The following PRMT8 variants were observed in gnomAD, a reference collection of about 807,000 sequenced individuals.
PRMT8 encodes protein arginine N-methyltransferase 8.
In PRMT8, 7 loss-of-function variants were observed where a neutral mutation model predicts 47.1. The ratio of observed to expected loss-of-function variants is 0.15; its 90% CI spans 0.08 to 0.28. The LOEUF (loss-of-function observed/expected upper bound fraction) is 0.28. PRMT8 is among the 10% of genes least tolerant of loss of function. The pLI is 1.00. For missense variants in PRMT8, 237 were observed against 505.4 expected (o/e 0.47, Z 5.09); for synonymous variants, 188 against 186.5 (o/e 1.01, Z -0.07).
At chr12:3,417,216 T>C (rs1164412168) in intron 1 of PRMT8, among the ~76,000 whole-genome samples, 1 of 152,180 alleles carries the variant, frequency 6.6e-6, no homozygotes, top group Admixed American at 6.5e-5. Context: ...AGAGGTTTAT[T>C]TGGGGGAAAG....
chr12:3,437,646 A>ATC (rs1025592609), intron 1 of PRMT8, among the ~76,000 whole-genome samples: 5 of 103,774 alleles, frequency 4.8e-5, no homozygotes, highest in Non-Finnish European at 6.4e-5. Context: ...ATATATATAT[A>ATC]TATATTGCAT....
chr12:3,424,797 G>T (rs190690595), intron 1 of PRMT8, among the ~76,000 whole-genome samples: 2 of 152,240 alleles, frequency 1.3e-5, no homozygotes, highest in East Asian at 3.9e-4. Context: ...CTTTTGTCCT[G>T]CCTCAGTGAC....
intron 1 of PRMT8, among the ~76,000 whole-genome samples, chr12:3,530,890 A>G (rs1481944963): frequency 6.6e-6 from 1 of 152,224 alleles, no homozygotes; most frequent in Non-Finnish European, 1.5e-5. Context: ...ATAGCCCCAC[A>G]AAAGAGGCGG....
At position 3,397,148 on chromosome 12, in the gene PRMT8, T is replaced by A. The variant is rs529496782; in HGVS notation, c.48+15706T>A. Among the ~76,000 whole-genome samples, 107 of 151,914 alleles carry A rather than the reference T, an allele frequency of 7.0e-4. 6 individuals are homozygous for A. In the South Asian group the frequency reaches 0.019, roughly 27 times the overall value. ...TTTCAAAGTTTTCAACTTCTTTGCCTTTGGTTTGAATGTCCTCCCATAGCT... is the reference window on the plus strand; with the variant it reads ...TTTCAAAGTTTTCAACTTCTTTGCCATTGGTTTGAATGTCCTCCCATAGCT... On this transcript the variant is annotated intron_variant, in intron 1 of 9. Transcript: ENST00000452611.
At chr12:3,406,251 G>A (rs12829323) in intron 1 of PRMT8, among the ~76,000 whole-genome samples, 1 of 152,218 alleles carries the variant, frequency 6.6e-6, no homozygotes, top group Non-Finnish European at 1.5e-5. Flanking sequence ...ACAGCAGGGG[G>A]CCCTGAACTT....
intron 1 of PRMT8, among the ~76,000 whole-genome samples, chr12:3,466,272 G>A (rs1429492266): frequency 1.3e-5 from 2 of 152,198 alleles, no homozygotes; most frequent in Non-Finnish European, 1.5e-5. Flanking sequence ...TCGTGGGACT[G>A]AGTGAGACCT....
In PRMT8 at chr12:3,576,741, C is replaced by T. The variant is rs552768152; in HGVS notation, c.713-130C>T. 24 of 704,912 alleles carry T rather than the reference C, an allele frequency of 3.4e-5. No individual in the cohort carries two copies. In the East Asian group the frequency reaches 5.5e-4, roughly 16 times the overall value. The allele number at this position is 704,912 out of a possible 1,614,324, so 43.7% of individuals were successfully genotyped here. ...AGTGCCCCCAGGTGAGCAGTTCTGC[C>T]TCTATTTCGATGCAAGGGAACTCGA... On this transcript the variant is annotated intron_variant, in intron 6 of 9. Transcript: ENST00000382622. This position sits in a 1 kb window ranked among gnomAD's most constrained non-coding sequence, Gnocchi z 4.0.
At chr12:3,582,752 CCTGTT>C (rs1867091520) in intron 7 of PRMT8, among the ~76,000 whole-genome samples, 1 of 152,168 alleles carries the variant, frequency 6.6e-6, no homozygotes, top group African/African-American at 2.4e-5. Context: ...AATTAACCCT[CCTGTT>C]CTCTCCCTTC....
intron 1 of PRMT8, among the ~76,000 whole-genome samples, chr12:3,461,664 AGT>A (rs1253470947): frequency 4.6e-4 from 69 of 150,608 alleles, no homozygotes; most frequent in African/African-American, 1.6e-3. Context: ...CAGAGCAGGA[AGT>A]CCTCTCAAGA....
intron 1 of PRMT8, among the ~76,000 whole-genome samples, chr12:3,391,696 C>G (rs535012838): frequency 6.6e-5 from 10 of 152,280 alleles, no homozygotes; most frequent in Non-Finnish European, 1.5e-4. Context: ...ATATCTGTCT[C>G]CCCCTCTAGT....
chr12:3,560,030 GAGGGACCTCCAGGTCC>G (rs1424124737), intron 4 of PRMT8, among the ~76,000 whole-genome samples: 2 of 152,172 alleles, frequency 1.3e-5, no homozygotes, highest in African/African-American at 2.4e-5. Context: ...TTCCAGGGAG[GAGGGACCTCCAGGTCC>G]AGGGACCTCC....
intron 1 of PRMT8, among the ~76,000 whole-genome samples, chr12:3,431,307 G>C (rs1223437430): frequency 2.0e-5 from 3 of 152,076 alleles, no homozygotes; most frequent in Non-Finnish European, 4.4e-5. Flanking sequence ...CACAGAGAGA[G>C]AGAGAGAGAT....
At chr12:3,388,876 CT>C (rs907193333) in intron 1 of PRMT8, among the ~76,000 whole-genome samples, 10 of 152,180 alleles carry the variant, frequency 6.6e-5, no homozygotes, top group African/African-American at 2.2e-4. Flanking sequence ...TTCCCAAGCA[CT>C]TTTTTTCCCC....
intron 1 of PRMT8, among the ~76,000 whole-genome samples, chr12:3,432,659 GTCTCGGT>G (rs1481863349): frequency 6.6e-6 from 1 of 152,176 alleles, no homozygotes; most frequent in Non-Finnish European, 1.5e-5. Context: ...GAGGCTGCAG[GTCTCGGT>G]GCCTGCCTGG....
intron 1 of PRMT8, among the ~76,000 whole-genome samples, chr12:3,395,625 C>T (rs1421859380): frequency 1.7e-4 from 25 of 149,548 alleles, no homozygotes; most frequent in Non-Finnish European, 1.0e-4. Flanking sequence ...GAGAGCTTTA[C>T]TTCCAACTAT....
At chr12:3,527,285 AT>A (rs1035514567) in intron 1 of PRMT8, among the ~76,000 whole-genome samples, 2 of 151,800 alleles carry the variant, frequency 1.3e-5, no homozygotes, top group Admixed American at 6.6e-5. Context: ...TATATGTACT[AT>A]TTTTTTTAAT....
At chr12:3,427,840 C>CT (rs896484292) in intron 1 of PRMT8, among the ~76,000 whole-genome samples, 3 of 151,716 alleles carry the variant, frequency 2.0e-5, no homozygotes, top group African/African-American at 4.8e-5. Context: ...CTTTTTTTCC[C>CT]TTTTTTCGAA....
At chr12:3,588,724 AG>A (rs1565451056) in intron 8 of PRMT8, among the ~76,000 whole-genome samples, 3 of 152,242 alleles carry the variant, frequency 2.0e-5, no homozygotes, top group Non-Finnish European at 1.5e-5. Context: ...GTAGAAGAAA[AG>A]CTGCCTAAAG....
At chr12:3,455,899 G>T (rs1477592023) in intron 1 of PRMT8, among the ~76,000 whole-genome samples, 1 of 152,140 alleles carries the variant, frequency 6.6e-6, no homozygotes, top group Non-Finnish European at 1.5e-5. Flanking sequence ...GGTGGGACAG[G>T]GCCGCGTGAT....
Sources: gnomAD v4.1 joint callset for allele counts (sites outside exome capture counted in the v4.1 genomes callset) on GRCh38, gnomAD v4.1.1 for gene constraint, Gnocchi (gnomAD v3.1) non-coding constraint, MANE v1.5 for transcripts, NCBI Gene and HGNC (gene_info 2026-07-23, HGNC 2026-07-21) for gene names.